ANKRD27: variants seen among roughly 807,000 people sequenced by gnomAD.
ANKRD27 encodes the protein ankyrin repeat domain 27, also known as ankyrin repeat domain-containing protein 27.
Under a neutral mutation model 129.7 loss-of-function variants are expected in ANKRD27, and 112 were observed. That is an observed-to-expected ratio of 0.86 (90% CI 0.74 to 1.01). The LOEUF (loss-of-function observed/expected upper bound fraction) is 1.01, where lower values mean the gene tolerates loss of function less well. Ranked by LOEUF, ANKRD27 falls within the 50% of genes least tolerant of loss-of-function variation. The pLI, the probability that ANKRD27 is intolerant of heterozygous loss-of-function variation, is 0.00. For synonymous variants in ANKRD27, 516 were observed against 511.2 expected, an observed-to-expected ratio of 1.01 and a Z score of -0.13; for missense variants, 1,258 against 1,300.5, an observed-to-expected ratio of 0.97 and a Z score of 0.50.
At chr19:32,603,511 C>T (rs1971683572) in intron 25 of ANKRD27, among the ~76,000 whole-genome samples, 1 of 152,180 alleles carries the variant, frequency 6.6e-6, no homozygotes, top group African/African-American at 2.4e-5. Context: ...GGCAGTAGGC[C>T]AATAATCACG....
intron 28 of ANKRD27, among the ~76,000 whole-genome samples, chr19:32,598,824 C>A (rs146962846): frequency 0.031 from 4,755 of 152,236 alleles, 118 homozygotes; most frequent in Non-Finnish European, 0.043. Flanking sequence ...TAATTAAAAT[C>A]ATTTTAATTA....
intron 10 of ANKRD27, among the ~76,000 whole-genome samples, chr19:32,640,921 C>T (rs941769473): frequency 3.3e-5 from 5 of 151,872 alleles, no homozygotes; most frequent in East Asian, 3.9e-4. Flanking sequence ...GTTTTTGAAA[C>T]GGAGTCTCGC....
intron 17 of ANKRD27, among the ~76,000 whole-genome samples, chr19:32,625,055 A>G (rs929760284): frequency 3.9e-5 from 6 of 152,194 alleles, no homozygotes; most frequent in Non-Finnish European, 8.8e-5. Flanking sequence ...CAGGAGATCC[A>G]GACCAGCCTG....
intron 2 of ANKRD27, among the ~76,000 whole-genome samples, chr19:32,653,037 C>T (rs937538159): frequency 3.3e-5 from 5 of 152,204 alleles, no homozygotes; most frequent in Admixed American, 6.5e-5. Context: ...TTAAGCACTC[C>T]ACAACTGCCC....
chr19:32,645,799 A>AT (rs1240391157), intron 4 of ANKRD27, among the ~76,000 whole-genome samples: 6 of 150,930 alleles, frequency 4.0e-5, no homozygotes, highest in African/African-American at 1.2e-4. Context: ...CACGTGGCTA[A>AT]TTTTTTTTGT....
intron 1 of ANKRD27, among the ~76,000 whole-genome samples, chr19:32,674,519 C>G (rs1301307336): frequency 2.0e-5 from 3 of 152,198 alleles, no homozygotes; most frequent in African/African-American, 7.2e-5. Flanking sequence ...CGGAACATCT[C>G]TCGGTGCTTA....
chr19:32,614,601 G>A (rs1971884732), intron 22 of ANKRD27, among the ~76,000 whole-genome samples: 1 of 152,082 alleles, frequency 6.6e-6, no homozygotes, highest in Non-Finnish European at 1.5e-5. Flanking sequence ...CTACACAGGA[G>A]GCTGAGGCAG....
chr19:32,647,593 G>A (rs1444018960), intron 3 of ANKRD27, among the ~76,000 whole-genome samples: 1 of 152,236 alleles, frequency 6.6e-6, no homozygotes, highest in African/African-American at 2.4e-5. Flanking sequence ...TTGTGGCGCT[G>A]TGACAGGGAG....
At chr19:32,608,477 AC>A (rs1280079457) in intron 22 of ANKRD27, 2 of 275,472 alleles carry the variant, frequency 7.3e-6, no homozygotes, top group African/African-American at 4.5e-5. Flanking sequence ...GAATAATTTT[AC>A]TTTTTGATGA....
chr19:32,603,307 C>G (rs1040407523), intron 25 of ANKRD27, among the ~76,000 whole-genome samples: 1 of 152,112 alleles, frequency 6.6e-6, no homozygotes, highest in African/African-American at 2.4e-5. Context: ...CTCTAAGGAG[C>G]CTGTCCATGG....
intron 12 of ANKRD27, among the ~76,000 whole-genome samples, chr19:32,635,500 T>C (rs928842487): frequency 2.0e-5 from 3 of 152,144 alleles, no homozygotes; most frequent in African/African-American, 7.2e-5. Flanking sequence ...AGACAAGGTC[T>C]CACTATGTTG....
intron 3 of ANKRD27, among the ~76,000 whole-genome samples, chr19:32,648,548 C>A (rs1192096957): frequency 6.6e-6 from 1 of 152,202 alleles, no homozygotes; most frequent in Non-Finnish European, 1.5e-5. Context: ...CGCCTGTAAT[C>A]CCAGCACTTT....
At chr19:32,644,835 G>A (rs963645918) in intron 4 of ANKRD27, among the ~76,000 whole-genome samples, 4 of 152,312 alleles carry the variant, frequency 2.6e-5, no homozygotes, top group East Asian at 1.9e-4. Context: ...GGGGCTGGGC[G>A]CTATAAGAGA....
At chr19:32,599,654 A>G (rs754107063) in intron 28 of ANKRD27, 50 bp downstream of exon 28, 1 of 1,552,950 alleles carries the variant, frequency 6.4e-7, no homozygotes, top group East Asian at 2.2e-5. Flanking sequence ...TACTTTTGAC[A>G]AAGCCGGGCT....
intron 1 of ANKRD27, 79 bp from the exon 2 acceptor site, chr19:32,659,124 T>C (rs1967598752): frequency 3.3e-6 from 2 of 610,540 alleles, no homozygotes; most frequent in Non-Finnish European, 5.8e-6. Context: ...CTGATGCATC[T>C]GGCATTTTCT....
chr19:32,659,452 A>C (rs1313954324), intron 1 of ANKRD27, among the ~76,000 whole-genome samples: 5 of 152,020 alleles, frequency 3.3e-5, no homozygotes, highest in Non-Finnish European at 7.4e-5. Flanking sequence ...TTTTTCTCCC[A>C]CAGACTCACT....
intron 1 of ANKRD27, among the ~76,000 whole-genome samples, chr19:32,662,107 G>A (rs1967655899): frequency 6.6e-6 from 1 of 151,924 alleles, no homozygotes; most frequent in African/African-American, 2.4e-5. Context: ...GAGGTCAGGA[G>A]TTCGAGATCA....
intron 1 of ANKRD27, among the ~76,000 whole-genome samples, chr19:32,664,169 T>G (rs1967702345): frequency 6.6e-6 from 1 of 152,080 alleles, no homozygotes; most frequent in African/African-American, 2.4e-5. Flanking sequence ...TTTATTTTGT[T>G]TTTTAGAGAC....
rs866945888 is a variant in ANKRD27, at chr19:32,628,764, T to C, written c.1295A>G (p.His432Arg). ...ACAGTCATCGCAGAAGCAGAGAGGG[T>C]GACACATCTTTTGGACGGTATCTTT... ...HDKDTVQKMC[H>R]PLCFCDDCEK... Residue 432 changes from histidine to arginine, a missense_variant, in exon 14 of 29, where the codon CAC (histidine) becomes CGC (arginine). Transcript: ENST00000306065. 2 of 1,614,024 alleles carry C rather than the reference T, an allele frequency of 1.2e-6. No homozygotes were observed. Among genetic ancestry groups the C allele is most frequent in the African/African-American group, 2.7e-5 (2 of 74,920 alleles).
Sources: gnomAD v4.1 joint callset for allele counts (sites outside exome capture counted in the v4.1 genomes callset) on GRCh38, gnomAD v4.1.1 for gene constraint, MANE v1.5 for transcripts, NCBI Gene and HGNC (gene_info 2026-07-23, HGNC 2026-07-21) for gene names.